The following ARLN variants were observed in gnomAD, a reference collection of about 807,000 sequenced individuals.
The protein encoded by ARLN is sarcoplasmic/endoplasmic reticulum calcium ATPase regulator ARLN.
chr4:119,301,903 T>C, the ARLN span, among the ~76,000 whole-genome samples: 2 of 152,332 alleles, frequency 1.3e-5, no homozygotes, highest in East Asian at 1.9e-4. Context: ...AAAGATAGTA[T>C]ACGACCTTTC....
the ARLN span, chr4:119,296,676 T>C: frequency 1.3e-5 from 2 of 152,318 alleles, no homozygotes; most frequent in East Asian, 1.9e-4. Context: ...CTCTGCCTTT[T>C]TATTCCAGCT....
chr4:119,303,398 C>G, the ARLN span, among the ~76,000 whole-genome samples: 1 of 151,998 alleles, frequency 6.6e-6, no homozygotes, highest in Admixed American at 6.5e-5. Context: ...GCACGCCTGG[C>G]TAATTTTTGT....
chr4:119,297,481 T>C, the ARLN span: 1 of 152,240 alleles, frequency 6.6e-6, no homozygotes, highest in Admixed American at 6.5e-5. Flanking sequence ...GGGTCTCTGT[T>C]GCCCACGTTA....
At chr4:119,303,160 T>C in the ARLN span, among the ~76,000 whole-genome samples, 1 of 152,124 alleles carries the variant, frequency 6.6e-6, no homozygotes, top group Non-Finnish European at 1.5e-5. Flanking sequence ...TGTTGATTGG[T>C]ACCACAGGTT....
the ARLN span, chr4:119,300,598 T>G: frequency 1.2e-6 from 2 of 1,611,350 alleles, no homozygotes; most frequent in Non-Finnish European, 1.7e-6. Context: ...CGGACTTTGG[T>G]GTTCGCCGCA....
the ARLN span, among the ~76,000 whole-genome samples, chr4:119,301,879 CAGGTTTT>C: frequency 6.6e-6 from 1 of 152,160 alleles, no homozygotes; most frequent in East Asian, 1.9e-4. Context: ...AATCAATTGC[CAGGTTTT>C]AGAGACAAAG....
the ARLN span, among the ~76,000 whole-genome samples, chr4:119,303,726 A>G: frequency 2.6e-5 from 4 of 152,334 alleles, no homozygotes; most frequent in Admixed American, 2.6e-4. Flanking sequence ...TCTACAAAAA[A>G]TAGAAAAGTT....
the ARLN span, chr4:119,300,754 C>T: frequency 1.3e-6 from 2 of 1,493,746 alleles, no homozygotes; most frequent in South Asian, 1.3e-5. Flanking sequence ...GCGCGGCCTC[C>T]GCCTTGACAC....
At chr4:119,298,679 T>C in the ARLN span, 1 of 666,874 alleles carries the variant, frequency 1.5e-6, no homozygotes, top group Non-Finnish European at 2.8e-6. Context: ...GATGTGAAAT[T>C]CTTCTATTGA....
chr4:119,300,349 A>C, the ARLN span: 2 of 1,608,644 alleles, frequency 1.2e-6, no homozygotes, highest in Non-Finnish European at 8.5e-7. Flanking sequence ...GGCAAAAAAT[A>C]CACAAAGAGA....
chr4:119,302,502 A>T, the ARLN span, among the ~76,000 whole-genome samples: 1 of 152,188 alleles, frequency 6.6e-6, no homozygotes, highest in South Asian at 2.1e-4. Context: ...CGACTTCCCA[A>T]AGTACTGGGA....
chr4:119,299,559 C>G, the ARLN span, among the ~76,000 whole-genome samples: 1 of 152,216 alleles, frequency 6.6e-6, no homozygotes, highest in East Asian at 1.9e-4. Context: ...CATTTGGTGT[C>G]TGCTTCCTCC....
the ARLN span, chr4:119,300,923 T>C: frequency 2.2e-6 from 2 of 929,606 alleles, no homozygotes; most frequent in Non-Finnish European, 3.1e-6. Context: ...ACCTCTCCTA[T>C]CCCCGTATTC....
chr4:119,304,440 G>A, the ARLN span: 2 of 1,520,772 alleles, frequency 1.3e-6, no homozygotes, highest in Non-Finnish European at 1.8e-6. Context: ...TTATTAGACT[G>A]GTCATCTTTC....
the ARLN span, chr4:119,300,787 T>A: frequency 2.1e-6 from 3 of 1,451,242 alleles, no homozygotes; most frequent in Non-Finnish European, 2.7e-6. Flanking sequence ...CCCGCCTACT[T>A]CTGCCTCGCG....
At chr4:119,300,852 G>C in the ARLN span, 1 of 1,423,724 alleles carries the variant, frequency 7.0e-7, no homozygotes, top group East Asian at 2.5e-5. Context: ...ATACGTTCTC[G>C]TCCCCCTGAA....
the ARLN span, chr4:119,300,314 A>G: frequency 1.3e-6 from 2 of 1,587,226 alleles, no homozygotes; most frequent in African/African-American, 1.4e-5. Context: ...TACCACCCCA[A>G]TTTTGCATTC....
the ARLN span, among the ~76,000 whole-genome samples, chr4:119,303,392 G>T: frequency 6.6e-6 from 1 of 151,938 alleles, no homozygotes; most frequent in East Asian, 1.9e-4. Context: ...CTGCCAGCAC[G>T]CCTGGCTAAT....
chr4:119,300,864 G>A, the ARLN span: 4 of 1,399,496 alleles, frequency 2.9e-6, no homozygotes, highest in Non-Finnish European at 3.7e-6. Context: ...CCCCCTGAAA[G>A]GCCCAGTCCA....
Sources: gnomAD v4.1 joint callset for allele counts (sites outside exome capture counted in the v4.1 genomes callset) on GRCh38, gnomAD v4.1.1 for gene constraint, MANE v1.5 for transcripts, NCBI Gene and HGNC (gene_info 2026-07-23, HGNC 2026-07-21) for gene names.